CSMD1: variants seen among roughly 807,000 people sequenced by gnomAD.
The protein encoded by CSMD1 is CUB and sushi domain-containing protein 1.
A neutral mutation model predicts 417.5 loss-of-function variants in CSMD1; 213 were observed. The ratio of observed to expected loss-of-function variants is 0.51; its 90% CI spans 0.46 to 0.57. The LOEUF is 0.57. Among genes scored for constraint, CSMD1 ranks in the 20% least tolerant of loss-of-function variants. The pLI is 0.00. For missense variants in CSMD1, 6,923 were observed against 4,529.7 expected (o/e 1.53, Z -15.17); for synonymous variants, 2,862 against 1,736.8 (o/e 1.65, Z -16.11).
At chr8:4,857,591 G>T (rs188185847) in intron 1 of CSMD1, among the ~76,000 whole-genome samples, 15 of 152,064 alleles carry the variant, frequency 9.9e-5, no homozygotes, top group African/African-American at 3.6e-4. Context: ...TATCACCACC[G>T]ATCCCACAGA....
intron 3 of CSMD1, among the ~76,000 whole-genome samples, chr8:4,073,578 G>T (rs569028126): frequency 1.3e-5 from 2 of 152,078 alleles, no homozygotes; most frequent in Admixed American, 1.3e-4. Flanking sequence ...CAGTATGAGG[G>T]ATATATTCAC....
intron 3 of CSMD1, among the ~76,000 whole-genome samples, chr8:4,365,208 A>C (rs981002547): frequency 3.3e-5 from 5 of 152,204 alleles, no homozygotes; most frequent in Admixed American, 2.0e-4. Context: ...CCTTGTCTAT[A>C]TATAAAAAAA....
At chr8:3,907,701 G>A (rs1007577149) in intron 5 of CSMD1, among the ~76,000 whole-genome samples, 3 of 152,162 alleles carry the variant, frequency 2.0e-5, no homozygotes, top group African/African-American at 7.2e-5. Flanking sequence ...GTGGACTTCT[G>A]TGGATTGCTG....
chr8:3,838,669 TTAA>T (rs1468454329), intron 5 of CSMD1, among the ~76,000 whole-genome samples: 1 of 107,132 alleles, frequency 9.3e-6, no homozygotes, highest in Non-Finnish European at 1.7e-5. Context: ...ATATAATAAA[TTAA>T]TATTATATAG....
intron 3 of CSMD1, among the ~76,000 whole-genome samples, chr8:4,154,401 T>C (rs1226458230): frequency 1.3e-5 from 2 of 152,236 alleles, no homozygotes; most frequent in South Asian, 2.1e-4. Context: ...TGTATAAGTA[T>C]AGACAAAGGC....
At chr8:4,963,499 C>T (rs1033888786) in intron 1 of CSMD1, among the ~76,000 whole-genome samples, 1 of 152,144 alleles carries the variant, frequency 6.6e-6, no homozygotes, top group African/African-American at 2.4e-5. Context: ...CATGCCTGGC[C>T]CCTCATTCAC....
intron 47 of CSMD1, among the ~76,000 whole-genome samples, chr8:3,093,060 G>A (rs1815058830): frequency 6.6e-6 from 1 of 152,074 alleles, no homozygotes; most frequent in African/African-American, 2.4e-5. Context: ...AAGTAAGACT[G>A]TTATAGACTA....
intron 6 of CSMD1, among the ~76,000 whole-genome samples, chr8:3,721,043 A>C (rs1417919781): frequency 6.6e-6 from 1 of 151,960 alleles, no homozygotes; most frequent in Non-Finnish European, 1.5e-5. Context: ...CGCTGGTCTC[A>C]AACTCCCGAC....
At chr8:3,340,825 T>C (rs1427295696) in intron 23 of CSMD1, among the ~76,000 whole-genome samples, 1 of 152,170 alleles carries the variant, frequency 6.6e-6, no homozygotes, top group Non-Finnish European at 1.5e-5. Context: ...TCTAAGATAA[T>C]CTTGCAAAGG....
chr8:3,686,320 C>T (rs1403659069), intron 7 of CSMD1, among the ~76,000 whole-genome samples: 1 of 152,092 alleles, frequency 6.6e-6, no homozygotes, highest in Non-Finnish European at 1.5e-5. Flanking sequence ...CTGTGACTTT[C>T]AGGAAGCGCC....
chr8:4,746,091 C>T (rs73175355), intron 1 of CSMD1, among the ~76,000 whole-genome samples: 3 of 152,286 alleles, frequency 2.0e-5, no homozygotes, highest in Non-Finnish European at 2.9e-5. Flanking sequence ...TCAGAAACCC[C>T]GTGACTTCAC....
chr8:4,029,969 A>T (rs1301259847), intron 4 of CSMD1, among the ~76,000 whole-genome samples: 1 of 152,164 alleles, frequency 6.6e-6, no homozygotes, highest in Non-Finnish European at 1.5e-5. Flanking sequence ...AAGCTCCAAA[A>T]TCATTTCCTT....
intron 16 of CSMD1, among the ~76,000 whole-genome samples, chr8:3,398,914 G>A (rs980874931): frequency 6.6e-6 from 1 of 152,132 alleles, no homozygotes; most frequent in East Asian, 1.9e-4. Context: ...GTCACTCATA[G>A]GCGATTAGTT....
chr8:4,833,295 G>C (rs1442128305), intron 1 of CSMD1, among the ~76,000 whole-genome samples: 1 of 152,192 alleles, frequency 6.6e-6, no homozygotes, highest in African/African-American at 2.4e-5. Flanking sequence ...CATGGCAGAA[G>C]GGCGAATGGG....
At chr8:4,859,276 T>G (rs1801988313) in intron 1 of CSMD1, among the ~76,000 whole-genome samples, 1 of 152,060 alleles carries the variant, frequency 6.6e-6, no homozygotes, top group South Asian at 2.1e-4. Context: ...CAAGATGGAT[T>G]AAAGACTTAA....
At chr8:4,040,935 A>G (rs907789761) in intron 3 of CSMD1, among the ~76,000 whole-genome samples, 26 of 151,862 alleles carry the variant, frequency 1.7e-4, no homozygotes, top group African/African-American at 6.3e-4. Flanking sequence ...GAATTATTAA[A>G]TAATCTTATG....
At chr8:3,292,796 T>C (rs932600960) in intron 25 of CSMD1, among the ~76,000 whole-genome samples, 3 of 152,146 alleles carry the variant, frequency 2.0e-5, no homozygotes, top group Non-Finnish European at 4.4e-5. Flanking sequence ...CCAGTCTCTG[T>C]CTTTTAATTG....
At chr8:4,510,687 C>T (rs1217183351) in intron 2 of CSMD1, among the ~76,000 whole-genome samples, 2 of 145,492 alleles carry the variant, frequency 1.4e-5, no homozygotes, top group Non-Finnish European at 1.5e-5. Flanking sequence ...CTCCTCTCTT[C>T]CTTCCCCTTT....
chr8:4,651,128 G>C (rs1184141277), intron 1 of CSMD1, among the ~76,000 whole-genome samples: 3 of 152,058 alleles, frequency 2.0e-5, no homozygotes, highest in African/African-American at 7.2e-5. Context: ...AAAAGCTGAG[G>C]CTAAAATGAG....
Sources: allele counts gnomAD v4.1 joint callset (sites outside exome capture counted in the v4.1 genomes callset), GRCh38; gene constraint gnomAD v4.1.1; transcripts MANE v1.5; gene names NCBI Gene and HGNC (gene_info 2026-07-23, HGNC 2026-07-21).